TANC2: variants seen among roughly 807,000 people sequenced by gnomAD.
TANC2 encodes tetratricopeptide repeat, ankyrin repeat and coiled-coil containing 2, also known as protein TANC2.
TANC2 carries 26 observed loss-of-function variants against 210.5 expected under a neutral mutation model. That is an observed-to-expected ratio of 0.12 (90% CI 0.09 to 0.17). The LOEUF (loss-of-function observed/expected upper bound fraction) is 0.17. Ranked by LOEUF, TANC2 falls within the 10% of genes least tolerant of loss-of-function variation. The pLI is 1.00. For missense variants in TANC2, 2,129 were observed against 2,608.9 expected, an observed-to-expected ratio of 0.82 and a Z score of 4.01; for synonymous variants, 931 against 967.1, an observed-to-expected ratio of 0.96 and a Z score of 0.69.
chr17:63,120,253 T>TA (rs1206307389), intron 4 of TANC2, among the ~76,000 whole-genome samples: 1 of 152,164 alleles, frequency 6.6e-6, no homozygotes, highest in East Asian at 1.9e-4. Flanking sequence ...CTGGCTAATG[T>TA]AAAATCCACT....
chr17:63,221,442 C>CAAAAAAAAAAAAAAAA (rs755699051), intron 7 of TANC2, among the ~76,000 whole-genome samples: 1 of 87,520 alleles, frequency 1.1e-5, no homozygotes, highest in African/African-American at 4.3e-5. Flanking sequence ...GACTCCATCT[C>CAAAAAAAAAAAAAAAA]AAAAAAAAAA....
intron 14 of TANC2, among the ~76,000 whole-genome samples, chr17:63,371,863 G>C (rs972155561): frequency 2.6e-5 from 4 of 152,166 alleles, no homozygotes; most frequent in Non-Finnish European, 5.9e-5. Flanking sequence ...GGATCATCAA[G>C]TGACAGTAGT....
chr17:63,158,191 G>A (rs1457234278), intron 5 of TANC2, among the ~76,000 whole-genome samples: 1 of 152,024 alleles, frequency 6.6e-6, no homozygotes, highest in Non-Finnish European at 1.5e-5. Context: ...TTTATTAGCT[G>A]GTGACTTTTA....
intron 11 of TANC2, among the ~76,000 whole-genome samples, chr17:63,321,978 A>T (rs752595495): frequency 2.7e-4 from 41 of 152,176 alleles, no homozygotes; most frequent in Non-Finnish European, 4.9e-4. Flanking sequence ...AGTTTTACAG[A>T]TGGTCTGTAA....
chr17:63,015,097 G>A (rs1023375113), intron 2 of TANC2, among the ~76,000 whole-genome samples: 4 of 151,080 alleles, frequency 2.6e-5, no homozygotes, highest in Non-Finnish European at 5.9e-5. Context: ...GATGGCTCAT[G>A]GCTTATTTTT....
chr17:63,311,300 A>G (rs1398336586), intron 9 of TANC2, among the ~76,000 whole-genome samples: 16 of 152,258 alleles, frequency 1.1e-4, no homozygotes. Context: ...CATATTAAAA[A>G]TGATAATATA....
chr17:63,216,939 A>T (rs1038914258), intron 7 of TANC2, among the ~76,000 whole-genome samples: 3 of 152,230 alleles, frequency 2.0e-5, no homozygotes, highest in Non-Finnish European at 4.4e-5. Flanking sequence ...AGGAAATTTC[A>T]CAAATCTTTG....
intron 19 of TANC2, among the ~76,000 whole-genome samples, chr17:63,401,424 A>G (rs193204394): frequency 6.6e-5 from 10 of 152,350 alleles, no homozygotes; most frequent in African/African-American, 1.4e-4. Context: ...ACTTCTGCCA[A>G]CTATACTGAC....
At chr17:63,112,053 A>G (rs901954937) in intron 4 of TANC2, among the ~76,000 whole-genome samples, 1 of 152,064 alleles carries the variant, frequency 6.6e-6, no homozygotes, top group Admixed American at 6.6e-5. Flanking sequence ...CTATACCCTC[A>G]AACCATATTC....
intron 7 of TANC2, among the ~76,000 whole-genome samples, chr17:63,227,875 T>C (rs1306762126): frequency 1.3e-5 from 2 of 152,134 alleles, no homozygotes; most frequent in Non-Finnish European, 2.9e-5. Flanking sequence ...ATTTATTTAT[T>C]TTTTTTGAGA....
intron 7 of TANC2, among the ~76,000 whole-genome samples, chr17:63,229,349 G>A (rs370156733): frequency 4.6e-4 from 70 of 152,202 alleles, no homozygotes; most frequent in Non-Finnish European, 8.5e-4. Context: ...GGATTTTTCC[G>A]TCAATATGCA....
exon 12 of TANC2, chr17:63,340,318 A>G: frequency 6.2e-7 from 1 of 1,613,882 alleles, no homozygotes; most frequent in Non-Finnish European, 8.5e-7. Flanking sequence ...GAGCCACTAG[A>G]AAATCTCCAT....
intron 4 of TANC2, among the ~76,000 whole-genome samples, chr17:63,136,548 T>C (rs2039095393): frequency 6.6e-6 from 1 of 152,230 alleles, no homozygotes; most frequent in South Asian, 2.1e-4. Context: ...CCTGGCACTA[T>C]TATAGGCAGT....
At chr17:63,120,827 A>C (rs1030380646) in intron 4 of TANC2, 2 of 150,726 alleles carry the variant, frequency 1.3e-5, no homozygotes, top group South Asian at 4.4e-4. Flanking sequence ...AAAAAAAAAA[A>C]AAAAAAAAAA....
chr17:63,423,376 A>C (rs1047787232), exon 28 of TANC2: 4 of 152,184 alleles, frequency 2.6e-5, no homozygotes, highest in Non-Finnish European at 4.4e-5. Context: ...CCTTTGAGTG[A>C]GCGAGGCCAC....
At chr17:63,196,099 C>A (rs2041337141) in intron 6 of TANC2, among the ~76,000 whole-genome samples, 1 of 152,204 alleles carries the variant, frequency 6.6e-6, no homozygotes, top group East Asian at 1.9e-4. Flanking sequence ...TACCCCTATG[C>A]TTCTACTTTA....
chr17:63,388,593 T>A, intron 15 of TANC2, 42 bp from the exon 16 acceptor site: 8 of 1,568,556 alleles, frequency 5.1e-6, no homozygotes, highest in South Asian at 1.2e-5. Flanking sequence ...GCTACTTTTT[T>A]TTGCTGGGCT....
intron 1 of TANC2, among the ~76,000 whole-genome samples, chr17:63,007,306 G>A (rs1368343983): frequency 6.6e-6 from 1 of 152,130 alleles, no homozygotes; most frequent in Admixed American, 6.5e-5. Flanking sequence ...CTTTAGTAAT[G>A]CATATTGCCT....
chr17:63,007,832 A>G (rs1230475496), intron 1 of TANC2, among the ~76,000 whole-genome samples: 2 of 151,932 alleles, frequency 1.3e-5, no homozygotes, highest in South Asian at 2.1e-4. Context: ...TACCCTTCCT[A>G]TGGCTCTTCC....
Sources: allele counts gnomAD v4.1 joint callset (sites outside exome capture counted in the v4.1 genomes callset), GRCh38; gene constraint gnomAD v4.1.1; transcripts MANE v1.5; gene names NCBI Gene and HGNC (gene_info 2026-07-23, HGNC 2026-07-21).